CR1: variants seen among roughly 807,000 people sequenced by gnomAD.
The protein encoded by CR1 is complement receptor type 1.
CR1 carries 116 observed loss-of-function variants against 187.3 expected under a neutral mutation model. That is an observed-to-expected ratio of 0.62 (90% CI 0.53 to 0.72). The LOEUF is 0.72. Among genes scored for constraint, CR1 ranks in the 30% least tolerant of loss-of-function variants. The pLI is 0.00. For missense variants in CR1, 1,731 were observed against 2,110.7 expected, an observed-to-expected ratio of 0.82 and a Z score of 3.52; for synonymous variants, 576 against 747.1, an observed-to-expected ratio of 0.77 and a Z score of 3.73.
At chr1:207,510,653 A>G (rs1215844716) in intron 3 of CR1, among the ~76,000 whole-genome samples, 1 of 152,176 alleles carries the variant, frequency 6.6e-6, no homozygotes, top group Non-Finnish European at 1.5e-5. Context: ...TGACTTTAGT[A>G]TTTTAAGTAT....
intron 45 of CR1, among the ~76,000 whole-genome samples, chr1:207,625,310 G>A (rs1357956487): frequency 6.6e-6 from 1 of 152,024 alleles, no homozygotes; most frequent in African/African-American, 2.4e-5. Flanking sequence ...TCTGACCAGT[G>A]GCTACCAGAA....
At position 207,578,188 on chromosome 1, in the gene CR1, C is replaced by T. The variant is rs1290093963; in HGVS notation, c.4921C>T (p.Pro1641Ser). Reference sequence around the variant, plus strand: ...CCTGAACAAATGGGAGCCAGAGTTACCAAGCTGCTCCAGGGGTGAGTCTGA... The same window carrying T: ...CCTGAACAAATGGGAGCCAGAGTTATCAAGCTGCTCCAGGGGTGAGTCTGA... ...QALNKWEPEL[P>S]SCSRVCQPPP... Residue 1641 changes from proline to serine, a missense_variant, in exon 29 of 47, where the codon CCA becomes TCA. Transcript: ENST00000367049. 1.9e-6 allele frequency: 3 copies of T among 1,611,732 alleles called. No individual in the cohort carries two copies. The African/African-American group carries it at 4.0e-5, about 22-fold the overall frequency.
At chr1:207,508,507 C>T (rs1659513825) in intron 3 of CR1, among the ~76,000 whole-genome samples, 1 of 152,130 alleles carries the variant, frequency 6.6e-6, no homozygotes, top group Non-Finnish European at 1.5e-5. Context: ...AATACATGGG[C>T]ATATGTGCAT....
chr1:207,564,059 G>A lies in CR1; in HGVS notation c.3763+19G>A. ...TGTGAAGGTGACTAGACTCTTATCT[G>A]GCTTGATATTTTTAGCTTGCGTCTT... On this transcript the variant is annotated intron_variant, in intron 22 of 46. Coordinates refer to ENST00000367049, the MANE Select transcript of CR1 (RefSeq NM_000651.6). 1 of 1,521,010 alleles carries A rather than the reference G, an allele frequency of 6.6e-7. No individual in the cohort carries two copies. The highest frequency in any genetic ancestry group is 8.7e-7 in the Non-Finnish European group (1 of 1,144,512). The allele number at this position is 1,521,010 out of a possible 1,614,324, so 94.2% of individuals were successfully genotyped here. A position where few individuals can be genotyped will look rare whatever the true frequency, so the allele number is the denominator to read the frequency against.
chr1:207,580,177 C>A, intron 29 of CR1, 63 bp from the exon 30 acceptor site: 1 of 1,587,044 alleles, frequency 6.3e-7, no homozygotes, highest in South Asian at 1.2e-5. Context: ...GCTATGAGGT[C>A]TTCAGGAAGC....
chr1:207,567,590 G>A (rs1660542292), intron 24 of CR1, among the ~76,000 whole-genome samples: 2 of 150,210 alleles, frequency 1.3e-5, no homozygotes, highest in African/African-American at 5.0e-5. Flanking sequence ...AAGTTGTAAA[G>A]TTTCTACTGT....
In CR1 at chr1:207,584,828, G is replaced by A. The variant is rs1367555644; in HGVS notation, c.5482G>A (p.Gly1828Arg). Residue 1828 changes from glycine (G) to arginine (R), a missense_variant, in exon 33 of 47, where the codon GGG (glycine) becomes AGG (arginine). Gly to Arg is a moderately radical substitution (Grantham distance 125, BLOSUM62 -2). Transcript: ENST00000367049. ...IRCTSDPHGNGVWSSPAPRCE... is the reference protein window; with the variant it reads ...IRCTSDPHGNRVWSSPAPRCE... Reference sequence around the variant, plus strand: ...CTGCACAAGTGACCCTCATGGGAATGGGGTTTGGAGCAGCCCTGCCCCTCG... The same window carrying A: ...CTGCACAAGTGACCCTCATGGGAATAGGGTTTGGAGCAGCCCTGCCCCTCG... 1 of 1,613,972 alleles carries A rather than the reference G, an allele frequency of 6.2e-7. No individual in the cohort carries two copies. Among genetic ancestry groups the A allele is most frequent in the East Asian group, 2.2e-5 (1 of 44,888 alleles).
At chr1:207,512,321 A>C (rs1383148015) in intron 4 of CR1, among the ~76,000 whole-genome samples, 1 of 152,252 alleles carries the variant, frequency 6.6e-6, no homozygotes, top group African/African-American at 2.4e-5. Context: ...ACAGCTATGC[A>C]GAATGAAAAT....
At chr1:207,511,349 G>A (rs187401170) in intron 3 of CR1, among the ~76,000 whole-genome samples, 134 of 152,234 alleles carry the variant, frequency 8.8e-4, no homozygotes, top group African/African-American at 3.0e-3. Context: ...GTGTCATAAG[G>A]TAATAAAGAA....
intron 35 of CR1, among the ~76,000 whole-genome samples, chr1:207,593,467 A>G (rs1299509342): frequency 6.6e-6 from 1 of 152,272 alleles, no homozygotes; most frequent in Admixed American, 6.5e-5. Flanking sequence ...CTCAAGATGT[A>G]TTAAAGACTT....
chr1:207,573,841 G>A (rs1660651790), intron 27 of CR1, among the ~76,000 whole-genome samples: 2 of 152,104 alleles, frequency 1.3e-5, no homozygotes, highest in African/African-American at 2.4e-5. Context: ...AAGATGAAAA[G>A]GAGAAGACAG....
intron 41 of CR1, among the ~76,000 whole-genome samples, chr1:207,617,567 ATGTGTG>A (rs1201411323): frequency 1.6e-5 from 1 of 63,020 alleles, no homozygotes; most frequent in Non-Finnish European, 3.5e-5. Context: ...GTGTATATAT[ATGTGTG>A]TGTGTATATA....
intron 45 of CR1, among the ~76,000 whole-genome samples, chr1:207,626,746 A>T (rs1349304649): frequency 6.6e-6 from 1 of 152,216 alleles, no homozygotes; most frequent in Non-Finnish European, 1.5e-5. Context: ...TTACTAAGAA[A>T]CTAAAATGAG....
chr1:207,632,971 G>GC (rs1312655718), intron 46 of CR1, among the ~76,000 whole-genome samples: 3 of 152,112 alleles, frequency 2.0e-5, no homozygotes, highest in Non-Finnish European at 4.4e-5. Context: ...CAGCTGTGTG[G>GC]CCACTCATTT....
chr1:207,599,351 T>A (rs1007592825), intron 35 of CR1, among the ~76,000 whole-genome samples: 1 of 152,168 alleles, frequency 6.6e-6, no homozygotes, highest in Non-Finnish European at 1.5e-5. Flanking sequence ...AAGACGGAAG[T>A]AGAGGTAAAT....
At chr1:207,606,674 C>T (rs566140079) in intron 35 of CR1, 7 of 152,258 alleles carry the variant, frequency 4.6e-5, no homozygotes, top group African/African-American at 1.4e-4. Context: ...AAATGTTCTA[C>T]GTTTTGTGGC....
intron 35 of CR1, among the ~76,000 whole-genome samples, chr1:207,598,308 GA>G (rs1395509701): frequency 3.3e-5 from 5 of 151,048 alleles, no homozygotes; most frequent in African/African-American, 7.3e-5. Flanking sequence ...TATTAGGAAA[GA>G]AAAAAACAGA....
intron 35 of CR1, among the ~76,000 whole-genome samples, chr1:207,598,421 C>CTTTTTTTTT (rs11392366): frequency 6.7e-6 from 1 of 148,606 alleles, no homozygotes; most frequent in Non-Finnish European, 1.5e-5. Context: ...AAGACAAGAA[C>CTTTTTTTTT]TTTTTTTTTT....
chr1:207,617,612 T>TAG (rs1156448710), intron 41 of CR1, among the ~76,000 whole-genome samples: 17 of 22,102 alleles, frequency 7.7e-4, no homozygotes, highest in Non-Finnish European at 1.4e-3. Context: ...TATATATATA[T>TAG]AGAGAGAGAG....
Sources: allele counts gnomAD v4.1 joint callset (sites outside exome capture counted in the v4.1 genomes callset), GRCh38; gene constraint gnomAD v4.1.1; transcripts MANE v1.5; gene names NCBI Gene and HGNC (gene_info 2026-07-23, HGNC 2026-07-21).